Variants in NRXN3 observed in about 807,000 individuals in gnomAD.
NRXN3 encodes the protein neurexin III.
Under a neutral mutation model 137.6 loss-of-function variants are expected in NRXN3, and 32 were observed. The ratio of observed to expected loss-of-function variants is 0.23; its 90% CI spans 0.18 to 0.31. NRXN3 has a LOEUF of 0.31. Ranked by LOEUF, NRXN3 falls within the 10% of genes least tolerant of loss-of-function variation. The pLI is 1.00. For missense variants in NRXN3, 1,574 were observed against 2,062.5 expected (o/e 0.76, Z 4.59); for synonymous variants, 798 against 784.5 (o/e 1.02, Z -0.29).
At chr14:78,338,305 G>A (rs961790025) in intron 4 of NRXN3, among the ~76,000 whole-genome samples, 24 of 152,214 alleles carry the variant, frequency 1.6e-4, no homozygotes, top group African/African-American at 4.6e-4. Context: ...CTAGTTTAAC[G>A]TGTGGCCAGT....
At chr14:79,545,042 G>A (rs2097306439) in intron 16 of NRXN3, among the ~76,000 whole-genome samples, 1 of 152,174 alleles carries the variant, frequency 6.6e-6, no homozygotes, top group Non-Finnish European at 1.5e-5. Context: ...GTAGCTGGAG[G>A]AGCTGTTGCT....
chr14:78,873,598 T>G (rs956902695), intron 10 of NRXN3, among the ~76,000 whole-genome samples: 1 of 152,212 alleles, frequency 6.6e-6, no homozygotes, highest in African/African-American at 2.4e-5. Context: ...TACAATATTC[T>G]TAGTGATCTC....
At chr14:78,454,859 G>T (rs1000158758) in intron 4 of NRXN3, among the ~76,000 whole-genome samples, 1 of 152,288 alleles carries the variant, frequency 6.6e-6, no homozygotes, top group Non-Finnish European at 1.5e-5. Context: ...ATCTATGGGT[G>T]GTGAGGGGTA....
chr14:79,632,106 C>G (rs1418707183), intron 16 of NRXN3, among the ~76,000 whole-genome samples: 6 of 152,164 alleles, frequency 3.9e-5, no homozygotes, highest in Non-Finnish European at 8.8e-5. Context: ...GCTACTCACT[C>G]TTAGGGTCTG....
intron 15 of NRXN3, among the ~76,000 whole-genome samples, chr14:79,157,598 T>G (rs2060368424): frequency 6.6e-6 from 1 of 151,852 alleles, no homozygotes; most frequent in African/African-American, 2.4e-5. Context: ...AGATTCCCTG[T>G]CTAAGGGAAT....
At chr14:78,343,885 A>G (rs1282163294) in intron 4 of NRXN3, among the ~76,000 whole-genome samples, 4 of 152,198 alleles carry the variant, frequency 2.6e-5, no homozygotes, top group East Asian at 3.9e-4. Flanking sequence ...TTCAGTTGCA[A>G]TGAAGGTTGA....
chr14:79,466,952 C>G (rs2096434586), intron 15 of NRXN3, among the ~76,000 whole-genome samples: 1 of 152,122 alleles, frequency 6.6e-6, no homozygotes, highest in African/African-American at 2.4e-5. Context: ...TGTTATTTAC[C>G]CTCCACCGTT....
intron 16 of NRXN3, among the ~76,000 whole-genome samples, chr14:79,472,564 A>G (rs1235087861): frequency 6.6e-6 from 1 of 152,240 alleles, no homozygotes; most frequent in Non-Finnish European, 1.5e-5. Flanking sequence ...ATTGAAGTAT[A>G]TGTGCATGAA....
At chr14:79,339,683 C>G (rs1357009005) in intron 15 of NRXN3, among the ~76,000 whole-genome samples, 1 of 152,172 alleles carries the variant, frequency 6.6e-6, no homozygotes, top group Non-Finnish European at 1.5e-5. Context: ...GAACACTGAT[C>G]TAGTGATTAT....
intron 19 of NRXN3, among the ~76,000 whole-genome samples, chr14:79,766,991 G>A (rs141485753): frequency 9.2e-4 from 140 of 152,332 alleles, no homozygotes; most frequent in African/African-American, 3.1e-3. Context: ...CTGGATCACC[G>A]TGATACTTAT....
chr14:78,455,699 A>G (rs967135168), intron 4 of NRXN3, among the ~76,000 whole-genome samples: 5 of 152,120 alleles, frequency 3.3e-5, no homozygotes, highest in Admixed American at 6.5e-5. Flanking sequence ...CTGCTGCCCC[A>G]TTCTACAGAG....
At chr14:79,239,836 A>C (rs963339591) in intron 15 of NRXN3, among the ~76,000 whole-genome samples, 1 of 152,158 alleles carries the variant, frequency 6.6e-6, no homozygotes, top group African/African-American at 2.4e-5. Context: ...CTTAAACAAG[A>C]AAGAATTTCT....
intron 19 of NRXN3, among the ~76,000 whole-genome samples, chr14:79,755,361 A>G (rs887298711): frequency 6.6e-6 from 1 of 151,854 alleles, no homozygotes; most frequent in African/African-American, 2.4e-5. Context: ...CTCCCTCTGC[A>G]TCTATCTGTA....
chr14:79,264,987 C>A (rs2078227291), intron 15 of NRXN3, among the ~76,000 whole-genome samples: 1 of 151,758 alleles, frequency 6.6e-6, no homozygotes, highest in Admixed American at 6.6e-5. Flanking sequence ...TGTATATATA[C>A]ATTTATTTAA....
intron 3 of NRXN3, among the ~76,000 whole-genome samples, chr14:78,284,055 C>G (rs2153508097): frequency 6.6e-6 from 1 of 152,184 alleles, no homozygotes; most frequent in Middle Eastern, 3.4e-3. Flanking sequence ...TAGAACAGTG[C>G]CTGGCACATA....
At chr14:79,853,899 G>A (rs888782249) in intron 20 of NRXN3, 36 of 991,488 alleles carry the variant, frequency 3.6e-5, no homozygotes, top group Admixed American at 6.1e-5. Context: ...TTCAATCATA[G>A]CAATCGGAAT....
At chr14:79,740,939 A>G (rs1214959071) in intron 19 of NRXN3, among the ~76,000 whole-genome samples, 2 of 151,420 alleles carry the variant, frequency 1.3e-5, no homozygotes, top group Non-Finnish European at 2.9e-5. Context: ...GTTCTAAAAC[A>G]TTATTAATGT....
At chr14:78,787,829 T>G (rs927121841) in intron 8 of NRXN3, among the ~76,000 whole-genome samples, 1 of 152,140 alleles carries the variant, frequency 6.6e-6, no homozygotes, top group Non-Finnish European at 1.5e-5. Context: ...AGATTTAACT[T>G]TGGATTTTTG....
At chr14:78,366,959 A>G (rs1035757238) in intron 4 of NRXN3, among the ~76,000 whole-genome samples, 6 of 152,224 alleles carry the variant, frequency 3.9e-5, no homozygotes, top group African/African-American at 1.4e-4. Context: ...ATGACAATCA[A>G]TGTCGTCTTT....
Sources: allele counts gnomAD v4.1 joint callset (sites outside exome capture counted in the v4.1 genomes callset), GRCh38; gene constraint gnomAD v4.1.1; transcripts MANE v1.5; gene names NCBI Gene and HGNC (gene_info 2026-07-23, HGNC 2026-07-21).